Variants in DTYMK observed in about 807,000 individuals in gnomAD.
DTYMK encodes deoxythymidylate kinase.
DTYMK carries 20 observed loss-of-function variants against 20.3 expected under a neutral mutation model. The observed-to-expected ratio is 0.99, with a 90% CI of 0.69 to 1.43. The LOEUF is 1.43. Among genes scored for constraint, DTYMK ranks in the 40% most tolerant of loss-of-function variants. DTYMK has a pLI of 0.00. For missense variants in DTYMK, 320 were observed against 291.1 expected (o/e 1.10, Z -0.72); for synonymous variants, 148 against 124.4 (o/e 1.19, Z -1.27).
At position 241,678,536 on chromosome 2, in the gene DTYMK, A is replaced by G. The variant is rs149646937; in HGVS notation, c.444T>C (p.His148=). ...GGAAAGCCCCGTTCTCATAGCGCTC[A>G]TGGCCAAACGCTCCCCGCTTGGCAG... ...ADAAKRGAFG[H]ERYENGAFQE... is the part of the protein sequence containing the mutation. Residue 148 remains histidine (H), a synonymous_variant, in exon 4 of 5, where the codon CAT becomes CAC. Coordinates refer to ENST00000305784, the MANE Select transcript of DTYMK (RefSeq NM_012145.4). The G allele has an allele frequency of 1.9e-6, 3 of 1,614,178 alleles. No individual in the cohort carries two copies. Among genetic ancestry groups the G allele is most frequent in the East Asian group, 2.2e-5 (1 of 44,890 alleles).
At chr2:241,678,079 C>G (rs2069157277) in intron 4 of DTYMK, among the ~76,000 whole-genome samples, 1 of 152,092 alleles carries the variant, frequency 6.6e-6, no homozygotes, top group Non-Finnish European at 1.5e-5. Flanking sequence ...AGTTGGAGAC[C>G]AGCCTGACCA....
At chr2:241,678,771 A>T in intron 3 of DTYMK, 122 bp from the exon 4 acceptor site, 1 of 1,114,118 alleles carries the variant, frequency 9.0e-7, no homozygotes, top group Non-Finnish European at 1.3e-6. Flanking sequence ...GACTGTTTAT[A>T]TTGTGGCTCG....
At position 241,676,086 on chromosome 2, in the gene DTYMK, G is replaced by C; in HGVS notation, c.*41C>G. 6.4e-7 allele frequency: 1 copy of C among 1,565,116 alleles called. No homozygotes were observed. The highest frequency in any genetic ancestry group is 1.1e-5 in the South Asian group (1 of 87,654). On this transcript the variant is annotated 3_prime_UTR_variant, in exon 5 of 5. Transcript: ENST00000305784. The stretch of plus-strand genomic sequence containing the variant: ...CCTTCCGCGAGTCTCCCACCTCTCG[G>C]GGGACTGCAGGGAGAGGCGTCTCCA...
At chr2:241,685,730 G>GT in intron 2 of DTYMK, 39 bp downstream of exon 2, 1 of 1,586,220 alleles carries the variant, frequency 6.3e-7, no homozygotes, top group South Asian at 1.1e-5. Context: ...AGGAAGGAAA[G>GT]TGGCAAGGGC....
chr2:241,678,048 G>C (rs1203972668), intron 4 of DTYMK, among the ~76,000 whole-genome samples: 1 of 152,104 alleles, frequency 6.6e-6, no homozygotes, highest in Non-Finnish European at 1.5e-5. Flanking sequence ...GGCCGAGGTG[G>C]GCAGATCACC....
chr2:241,680,402 C>G lies in DTYMK; in HGVS notation c.240-83G>C, dbSNP rs550887570. 2.9e-5 allele frequency: 42 copies of G among 1,460,440 alleles called. No homozygotes were observed. The East Asian group carries it at 9.8e-4, about 34-fold the overall frequency. 90.5% of individuals were successfully genotyped at this position (1,460,440 alleles called of 1,614,324 possible). A position where few individuals can be genotyped will look rare whatever the true frequency, so the allele number is the denominator to read the frequency against. On this transcript the variant is annotated intron_variant, in intron 2 of 4. Coordinates refer to ENST00000305784, the MANE Select transcript of DTYMK (RefSeq NM_012145.4). Reference sequence around the variant, plus strand: ...GCTTAAATTATCCCAACAGGCTGTGCGCAGTGGCTCACCCCTATAATCCCA... The same window carrying G: ...GCTTAAATTATCCCAACAGGCTGTGGGCAGTGGCTCACCCCTATAATCCCA...
chr2:241,684,181 G>C (rs907728056), intron 2 of DTYMK, among the ~76,000 whole-genome samples: 1 of 152,136 alleles, frequency 6.6e-6, no homozygotes, highest in Non-Finnish European at 1.5e-5. Flanking sequence ...AAGAGACGTA[G>C]CCCTGGGTAC....
chr2:241,677,406 C>T (rs912765573), intron 4 of DTYMK, among the ~76,000 whole-genome samples: 6 of 152,230 alleles, frequency 3.9e-5, no homozygotes, highest in Non-Finnish European at 5.9e-5. Context: ...ATCCCACCTG[C>T]GTTCCGGGAA....
chr2:241,683,176 CAT>C (rs1221055636), intron 2 of DTYMK, among the ~76,000 whole-genome samples: 2 of 152,322 alleles, frequency 1.3e-5, no homozygotes, highest in East Asian at 3.9e-4. Flanking sequence ...TACTCCACAT[CAT>C]ATGTCAGCAG....
At chr2:241,676,775 C>T (rs1040068140) in intron 4 of DTYMK, among the ~76,000 whole-genome samples, 3 of 152,236 alleles carry the variant, frequency 2.0e-5, no homozygotes, top group African/African-American at 7.2e-5. Flanking sequence ...CAGACCCACC[C>T]AGCCCACCAG....
chr2:241,684,893 ATG>A (rs914425664), intron 2 of DTYMK: 4 of 390,058 alleles, frequency 1.0e-5, no homozygotes, highest in African/African-American at 8.5e-5. Flanking sequence ...CAGGGGTAGT[ATG>A]TAGGGAGCGC....
chr2:241,681,733 G>A (rs941145738), intron 2 of DTYMK, among the ~76,000 whole-genome samples: 4 of 152,224 alleles, frequency 2.6e-5, no homozygotes, highest in African/African-American at 9.6e-5. Flanking sequence ...CTTTGTGAGA[G>A]ACACTGTCAA....
rs777321050 is a variant in DTYMK, at chr2:241,682,350, GAGAA to G, written c.240-2035_240-2032del. 37 of 381,686 alleles carry G rather than the reference GAGAA, an allele frequency of 9.7e-5. 1 individual carries two copies. The highest frequency in any genetic ancestry group is 5.0e-4 in the South Asian group (27 of 53,562). The allele number at this position is 381,686 out of a possible 1,614,324, so 23.6% of individuals were successfully genotyped here. On this transcript the variant is annotated intron_variant, in intron 2 of 4. Coordinates refer to ENST00000305784, the MANE Select transcript of DTYMK (RefSeq NM_012145.4). ...AGACCCTGTCTAAAAAAAGAAAAGA[GAGAA>G]AGAGAGTGAGAAAACAGAAAAGGCA...
chr2:241,685,777 C>A lies in DTYMK; in HGVS notation c.231G>T (p.Trp77Cys). 6.2e-7 allele frequency: 1 copy of A among 1,613,928 alleles called. No homozygotes were observed. Among genetic ancestry groups the A allele is most frequent in the South Asian group, 1.1e-5 (1 of 91,070 alleles). The change falls in exon 2 of 5, where the codon TGG becomes TGT. Residue 77 changes from tryptophan to cysteine, a missense_variant. Physicochemically the swap from Trp to Cys is radical, Grantham distance 215. Transcript: ENST00000305784. ...TGTGCAATGGTTTTTACACTTGTTC[C>A]CAGCGATTTGCAGAAAAAAGCAGGT... The part of the protein sequence containing the change: ...SVHLLFSANR[W>C]EQVPLIKEKL...
intron 1 of DTYMK, 115 bp from the exon 2 acceptor site, chr2:241,685,992 T>C (rs1297110413): frequency 9.2e-7 from 1 of 1,091,630 alleles, no homozygotes; most frequent in Non-Finnish European, 1.3e-6. Flanking sequence ...AATTTTACTT[T>C]ACTAAATCTC....
At chr2:241,683,773 A>G (rs2069316903) in intron 2 of DTYMK, among the ~76,000 whole-genome samples, 1 of 152,134 alleles carries the variant, frequency 6.6e-6, no homozygotes, top group African/African-American at 2.4e-5. Flanking sequence ...GACATGAACT[A>G]TTGGTCGGGC....
chr2:241,678,598 C>A lies in DTYMK; in HGVS notation c.382G>T (p.Asp128Tyr). 6.2e-6 allele frequency: 10 copies of A among 1,614,164 alleles called. No homozygotes were observed. The highest frequency in any genetic ancestry group is 7.6e-6 in the Non-Finnish European group (9 of 1,180,048). Residue 128 changes from aspartate to tyrosine, a missense_variant, in exon 4 of 5, where the codon GAC becomes TAC. Coordinates refer to ENST00000305784, the MANE Select transcript of DTYMK (RefSeq NM_012145.4). Reference sequence around the variant, plus strand: ...TGTAACTGGAGGAACAGGACCAGGTCGGGTTTGGGAAGGCCCACGTCTGGC... The same window carrying A: ...TGTAACTGGAGGAACAGGACCAGGTAGGGTTTGGGAAGGCCCACGTCTGGC... ...KQPDVGLPKP[D>Y]LVLFLQLQLA...
Position 241,680,256 on chromosome 2 carries a change from A to G in DTYMK, c.303T>C (p.Ser101=), listed in dbSNP as rs200914606. Residue 101 remains serine (S), a synonymous_variant, in exon 3 of 5, where the codon TCT becomes TCC. Coordinates refer to ENST00000305784, the MANE Select transcript of DTYMK (RefSeq NM_012145.4). ...CCTTGGCACCGGTGAAGGCCACACC[A>G]GAAAATGCGTATCTGTCCACGACGA... is the stretch of plus-strand genomic sequence containing the variant. ...VTLVVDRYAF[S]GVAFTGAKEN... is the part of the protein sequence containing the mutation. 16 of 1,614,202 alleles carry G rather than the reference A, an allele frequency of 9.9e-6. No individual in the cohort carries two copies. Among genetic ancestry groups the G allele is most frequent in the East Asian group, 2.2e-5 (1 of 44,882 alleles).
chr2:241,677,460 C>G (rs765348869), intron 4 of DTYMK, among the ~76,000 whole-genome samples: 1 of 152,272 alleles, frequency 6.6e-6, no homozygotes, highest in Admixed American at 6.5e-5. Flanking sequence ...CACAGCCAGT[C>G]GGGCTGGGGC....
Sources: allele counts gnomAD v4.1 joint callset (sites outside exome capture counted in the v4.1 genomes callset), GRCh38; gene constraint gnomAD v4.1.1; transcripts MANE v1.5; gene names NCBI Gene and HGNC (gene_info 2026-07-23, HGNC 2026-07-21).